MKLN1: variants seen among roughly 807,000 people sequenced by gnomAD.
MKLN1 encodes the protein muskelin 1, also known as muskelin.
In MKLN1, 18 loss-of-function variants were observed where a neutral mutation model predicts 99.0. That is an observed-to-expected ratio of 0.18 (90% CI 0.13 to 0.27). The LOEUF (loss-of-function observed/expected upper bound fraction) is 0.27, where lower values mean the gene tolerates loss of function less well. MKLN1 is among the 10% of genes least tolerant of loss of function. The probability of loss-of-function intolerance (pLI) is 1.00; values close to 1 mark genes in which losing one functional copy is unlikely to be tolerated. For missense variants in MKLN1, 621 were observed against 875.9 expected (o/e 0.71, Z 3.67); for synonymous variants, 288 against 293.2 (o/e 0.98, Z 0.18).
chr7:131,361,018 A>G (rs996401719), intron 1 of MKLN1, among the ~76,000 whole-genome samples: 1 of 151,966 alleles, frequency 6.6e-6, no homozygotes, highest in African/African-American at 2.4e-5. Flanking sequence ...AATCCAATGT[A>G]ATTCTTCTCC....
At chr7:131,222,260 A>C (rs1378226775) in intron 3 of MKLN1, among the ~76,000 whole-genome samples, 1 of 152,190 alleles carries the variant, frequency 6.6e-6, no homozygotes, top group Non-Finnish European at 1.5e-5. Context: ...CTATTGTCTG[A>C]ATTTTATGGA....
At chr7:131,470,339 C>G (rs1489188899) in intron 15 of MKLN1, among the ~76,000 whole-genome samples, 1 of 152,144 alleles carries the variant, frequency 6.6e-6, no homozygotes, top group Non-Finnish European at 1.5e-5. Context: ...TGGACATAAT[C>G]TCATTAAAAG....
intron 3 of MKLN1, among the ~76,000 whole-genome samples, chr7:131,249,537 G>C (rs1219683722): frequency 6.6e-6 from 1 of 152,212 alleles, no homozygotes; most frequent in African/African-American, 2.4e-5. Flanking sequence ...CTGGAGGCTG[G>C]TATATTCCTT....
intron 16 of MKLN1, among the ~76,000 whole-genome samples, chr7:131,474,099 GA>G (rs1248259935): frequency 2.0e-5 from 3 of 152,142 alleles, no homozygotes; most frequent in African/African-American, 7.2e-5. Context: ...GCAGTGAGCT[GA>G]GATTGTGCCA....
At chr7:131,225,294 G>A (rs1797130294) in intron 3 of MKLN1, among the ~76,000 whole-genome samples, 1 of 152,144 alleles carries the variant, frequency 6.6e-6, no homozygotes, top group Non-Finnish European at 1.5e-5. Context: ...TCCACATGGT[G>A]GAAGGAGGGA....
chr7:131,367,743 T>G (rs1050467601), intron 1 of MKLN1, among the ~76,000 whole-genome samples: 1 of 152,210 alleles, frequency 6.6e-6, no homozygotes, highest in Non-Finnish European at 1.5e-5. Context: ...CTTAGAATTT[T>G]ATTTCTATAC....
chr7:131,480,803 T>C (rs543044472), intron 17 of MKLN1, among the ~76,000 whole-genome samples: 36 of 152,358 alleles, frequency 2.4e-4, no homozygotes, highest in African/African-American at 8.2e-4. Context: ...TAAATGATTA[T>C]GTGCCTTATG....
chr7:131,317,223 C>T (rs1798685225), intron 3 of MKLN1, among the ~76,000 whole-genome samples: 1 of 152,094 alleles, frequency 6.6e-6, no homozygotes, highest in African/African-American at 2.4e-5. Flanking sequence ...AGGTAACCTA[C>T]AAAGGGAAGC....
intron 6 of MKLN1, among the ~76,000 whole-genome samples, chr7:131,403,348 G>T (rs1165651270): frequency 1.8e-4 from 28 of 152,154 alleles, no homozygotes; most frequent in Admixed American, 1.8e-3. Flanking sequence ...TTAAGGCCAT[G>T]CTTTAGATTA....
chr7:131,129,785 A>C (rs1795520901), intron 1 of MKLN1, among the ~76,000 whole-genome samples: 1 of 152,188 alleles, frequency 6.6e-6, no homozygotes. Context: ...TATGTTGTCC[A>C]GATTGGTCTT....
chr7:131,277,939 A>G (rs1797997856), intron 3 of MKLN1, among the ~76,000 whole-genome samples: 1 of 152,176 alleles, frequency 6.6e-6, no homozygotes, highest in Admixed American at 6.5e-5. Flanking sequence ...ATGGATTATG[A>G]TCAATAGATG....
chr7:131,401,405 T>C (rs1794538727), intron 6 of MKLN1, among the ~76,000 whole-genome samples: 1 of 152,204 alleles, frequency 6.6e-6, no homozygotes, highest in South Asian at 2.1e-4. Flanking sequence ...AGGAATGTTT[T>C]ACTCAGACAT....
chr7:131,211,483 A>G (rs1190423771), intron 3 of MKLN1, among the ~76,000 whole-genome samples: 5 of 152,266 alleles, frequency 3.3e-5, no homozygotes, highest in South Asian at 2.1e-4. Context: ...GTACTCTCCT[A>G]AGGTTAATTG....
intron 3 of MKLN1, among the ~76,000 whole-genome samples, chr7:131,218,152 G>A (rs1797011504): frequency 6.6e-6 from 1 of 152,206 alleles, no homozygotes. Context: ...AGTGGTGCCA[G>A]TTGGTTCATA....
chr7:131,120,443 G>A (rs1795347839), intron 1 of MKLN1, among the ~76,000 whole-genome samples: 1 of 150,140 alleles, frequency 6.7e-6, no homozygotes, highest in South Asian at 2.1e-4. Context: ...CAGCTACTCG[G>A]GAGGCTGAGG....
intron 2 of MKLN1, among the ~76,000 whole-genome samples, chr7:131,155,517 C>G (rs1219964450): frequency 3.3e-5 from 5 of 152,104 alleles, no homozygotes; most frequent in African/African-American, 1.2e-4. Context: ...TTATTGTAAC[C>G]TTACCTTCAC....
chr7:131,339,424 G>T (rs1799340971), intron 1 of MKLN1, among the ~76,000 whole-genome samples: 1 of 152,206 alleles, frequency 6.6e-6, no homozygotes, highest in African/African-American at 2.4e-5. Context: ...TTGAGAGTTG[G>T]TCGGGTGCAC....
chr7:131,134,937 CACA>C (rs1476901068), intron 1 of MKLN1, among the ~76,000 whole-genome samples: 1 of 152,124 alleles, frequency 6.6e-6, no homozygotes, highest in African/African-American at 2.4e-5. Context: ...GCAATATAAC[CACA>C]ACATACCTTA....
At chr7:131,178,169 T>C (rs1476727055) in intron 2 of MKLN1, among the ~76,000 whole-genome samples, 1 of 151,922 alleles carries the variant, frequency 6.6e-6, no homozygotes, top group Non-Finnish European at 1.5e-5. Flanking sequence ...CAGGCTGAAG[T>C]GCAATGGCGT....
Sources: allele counts gnomAD v4.1 joint callset (sites outside exome capture counted in the v4.1 genomes callset), GRCh38; gene constraint gnomAD v4.1.1; transcripts MANE v1.5; gene names NCBI Gene and HGNC (gene_info 2026-07-23, HGNC 2026-07-21).